The following KATNAL2 variants were observed in gnomAD, a reference collection of about 807,000 sequenced individuals.
KATNAL2 encodes katanin catalytic subunit A1 like 2.
A neutral mutation model predicts 76.3 loss-of-function variants in KATNAL2; 52 were observed. The ratio of observed to expected loss-of-function variants is 0.68; its 90% CI spans 0.55 to 0.86. The LOEUF is 0.86. Ranked by LOEUF, KATNAL2 falls within the 40% of genes least tolerant of loss-of-function variation. KATNAL2 has a pLI of 0.00. For missense variants in KATNAL2, 660 were observed against 668.9 expected, an observed-to-expected ratio of 0.99 and a Z score of 0.15; for synonymous variants, 243 against 244.2, an observed-to-expected ratio of 1.00 and a Z score of 0.05.
chr18:47,093,059 T>C (rs375424943), intron 15 of KATNAL2, among the ~76,000 whole-genome samples: 27 of 152,344 alleles, frequency 1.8e-4, no homozygotes, highest in African/African-American at 6.5e-4. Context: ...TGATCCATTG[T>C]ACATAACCTG....
At chr18:47,097,721 G>C (rs1291269843) in intron 15 of KATNAL2, among the ~76,000 whole-genome samples, 1 of 152,176 alleles carries the variant, frequency 6.6e-6, no homozygotes, top group Non-Finnish European at 1.5e-5. Flanking sequence ...GGGATGGTTG[G>C]AGTATTTTAT....
chr18:47,031,461 T>C (rs571566189), intron 3 of KATNAL2, among the ~76,000 whole-genome samples: 3 of 152,280 alleles, frequency 2.0e-5, no homozygotes, highest in East Asian at 3.9e-4. Flanking sequence ...GGTGTGTTTC[T>C]TCTGCAGAAA....
intron 3 of KATNAL2, among the ~76,000 whole-genome samples, chr18:47,045,709 G>A (rs2061136330): frequency 6.6e-6 from 1 of 152,158 alleles, no homozygotes; most frequent in African/African-American, 2.4e-5. Context: ...GACCTTTTAT[G>A]GCTTTTGTCT....
Position 47,069,515 on chromosome 18 carries a change from C to T in KATNAL2, c.923C>T (p.Ala308Val), listed in dbSNP as rs527895349. The T allele has an allele frequency of 5.0e-6, 8 of 1,613,822 alleles. No individual in the cohort carries two copies. In the South Asian group the frequency reaches 8.8e-5, roughly 18 times the overall value. The change falls in exon 13 of 18, where the codon GCC (alanine) becomes GTC (valine). Residue 308 changes from alanine (A) to valine (V), a missense_variant. Coordinates refer to ENST00000683218, the MANE Select transcript of KATNAL2 (RefSeq NM_001387690.1). ...AAGACTTTACTGGCCAAAGCTGTGGCCACTGAATGTAAAACAACCTTCTTT... is the reference window on the plus strand; with the variant it reads ...AAGACTTTACTGGCCAAAGCTGTGGTCACTGAATGTAAAACAACCTTCTTT... ...TGKTLLAKAVATECKTTFFNI... is the reference protein window; with the variant it reads ...TGKTLLAKAVVTECKTTFFNI...
chr18:46,952,560 C>T (rs190529560), intron 3 of KATNAL2, among the ~76,000 whole-genome samples: 586 of 152,068 alleles, frequency 3.9e-3, no homozygotes, highest in Non-Finnish European at 7.1e-3. Context: ...CCACCACGCC[C>T]GGCTAACTTT....
chr18:47,086,321 T>A (rs1312708563), intron 15 of KATNAL2, among the ~76,000 whole-genome samples: 1 of 152,158 alleles, frequency 6.6e-6, no homozygotes, highest in East Asian at 1.9e-4. Flanking sequence ...GCTTTTTTTT[T>A]ATTTGGAGAC....
intron 1 of KATNAL2, among the ~76,000 whole-genome samples, chr18:46,931,136 T>TAAA (rs1555824606): frequency 7.5e-6 from 1 of 132,768 alleles, no homozygotes; most frequent in African/African-American, 2.9e-5. Flanking sequence ...ATAATAATAA[T>TAAA]AATAAATAAA....
intron 3 of KATNAL2, among the ~76,000 whole-genome samples, chr18:47,032,072 A>T (rs1230164395): frequency 1.3e-5 from 2 of 152,176 alleles, no homozygotes; most frequent in East Asian, 3.8e-4. Context: ...GCCTCTTTAG[A>T]CTTCTTGATT....
At chr18:47,074,558 A>G (rs542130276) in intron 13 of KATNAL2, among the ~76,000 whole-genome samples, 20 of 152,260 alleles carry the variant, frequency 1.3e-4, no homozygotes, top group Admixed American at 5.9e-4. Context: ...TTAGGTTGTT[A>G]TATTCTATTA....
intron 10 of KATNAL2, among the ~76,000 whole-genome samples, chr18:47,066,674 T>C (rs1444286159): frequency 6.6e-6 from 1 of 151,622 alleles, no homozygotes; most frequent in Non-Finnish European, 1.5e-5. Flanking sequence ...TGGTTATAAA[T>C]CAGCATGGTT....
At chr18:47,091,754 C>T (rs2147368119) in intron 15 of KATNAL2, among the ~76,000 whole-genome samples, 1 of 152,284 alleles carries the variant, frequency 6.6e-6, no homozygotes, top group Non-Finnish European at 1.5e-5. Flanking sequence ...TTTCCTAGGG[C>T]ATTCTGGAGG....
chr18:47,033,706 G>A (rs766966063), intron 3 of KATNAL2: 1 of 1,614,068 alleles, frequency 6.2e-7, no homozygotes, highest in Non-Finnish European at 8.5e-7. Context: ...CTGGCAGGCA[G>A]GCCTGGAGCC....
intron 15 of KATNAL2, among the ~76,000 whole-genome samples, chr18:47,095,222 G>A (rs965164917): frequency 1.3e-5 from 2 of 152,162 alleles, no homozygotes; most frequent in African/African-American, 4.8e-5. Flanking sequence ...AGGTGATTGT[G>A]TTTATCCCCA....
chr18:47,082,230 A>G (rs956799245), intron 15 of KATNAL2, among the ~76,000 whole-genome samples: 3 of 152,218 alleles, frequency 2.0e-5, no homozygotes, highest in Non-Finnish European at 4.4e-5. Flanking sequence ...TTCAGGCCAG[A>G]TAATTCTTTG....
In KATNAL2 at chr18:47,052,875, G is replaced by T. The variant is rs1825081055; in HGVS notation, c.123-5G>T. 6.3e-7 allele frequency: 1 copy of T among 1,586,764 alleles called. No homozygotes were observed. The highest frequency in any genetic ancestry group is 1.4e-5 in the African/African-American group (1 of 73,684). Reference sequence around the variant, plus strand: ...TTTCTTCTTTTTATTCTGTGAAACTGCCAGGTATATCGATACAGCAAATGC... The same window carrying T: ...TTTCTTCTTTTTATTCTGTGAAACTTCCAGGTATATCGATACAGCAAATGC... On this transcript the variant is annotated splice_polypyrimidine_tract_variant and splice_region_variant and intron_variant, in intron 4 of 17. Transcript: ENST00000683218.
intron 1 of KATNAL2, among the ~76,000 whole-genome samples, chr18:46,938,380 G>A (rs538653689): frequency 6.6e-6 from 1 of 152,086 alleles, no homozygotes; most frequent in African/African-American, 2.4e-5. Context: ...GCTATTTTGG[G>A]TATTCCACTA....
chr18:47,071,619 G>A (rs1002342291), intron 13 of KATNAL2, among the ~76,000 whole-genome samples: 13 of 151,868 alleles, frequency 8.6e-5, no homozygotes, highest in African/African-American at 2.7e-4. Flanking sequence ...TTGGAACCAC[G>A]AGCACAAGAC....
chr18:47,090,868 C>CA (rs2062971876), intron 15 of KATNAL2, among the ~76,000 whole-genome samples: 1 of 152,158 alleles, frequency 6.6e-6, no homozygotes, highest in South Asian at 2.1e-4. Flanking sequence ...CTGTGGAAGA[C>CA]AAAGTACCCT....
At chr18:47,033,077 G>T in intron 3 of KATNAL2, 1 of 1,614,126 alleles carries the variant, frequency 6.2e-7, no homozygotes, top group Non-Finnish European at 8.5e-7. Flanking sequence ...TTGGCAGCCT[G>T]TTTCCGGGTT....
Sources: gnomAD v4.1 joint callset for allele counts (sites outside exome capture counted in the v4.1 genomes callset) on GRCh38, gnomAD v4.1.1 for gene constraint, MANE v1.5 for transcripts, NCBI Gene and HGNC (gene_info 2026-07-23, HGNC 2026-07-21) for gene names.